Variants in PRH1 observed in about 807,000 individuals in gnomAD.
PRH1 encodes salivary acidic proline-rich phosphoprotein 1/2.
In PRH1, 7 loss-of-function variants were observed where a neutral mutation model predicts 7.9. The ratio of observed to expected loss-of-function variants is 0.89; its 90% CI spans 0.50 to 1.67. PRH1 has a LOEUF of 1.67. Among genes scored for constraint, PRH1 ranks in the 40% most tolerant of loss-of-function variants. PRH1 has a pLI of 0.00. For missense variants in PRH1, 109 were observed against 223.6 expected (o/e 0.49, Z 3.27); for synonymous variants, 45 against 80.8 (o/e 0.56, Z 2.38).
At chr12:10,890,969 A>G (rs1442247661) in intron 2 of PRH1, among the ~76,000 whole-genome samples, 1 of 151,968 alleles carries the variant, frequency 6.6e-6, no homozygotes, top group Non-Finnish European at 1.5e-5. Context: ...AGAACCAAGT[A>G]GAATGGTGAT....
Position 11,078,298 on chromosome 12 carries a change from C to T in PRH1, n.124-31110G>A, listed in dbSNP as rs1180078659. 2.8e-5 allele frequency: 8 copies of T among 287,484 alleles called. 2 individuals carry two copies. The highest frequency in any genetic ancestry group is 4.9e-5 in the Admixed American group (1 of 20,256). 17.8% of individuals were successfully genotyped at this position (287,484 alleles called of 1,614,324 possible). On this transcript the variant is annotated intron_variant and non_coding_transcript_variant, in intron 1 of 4. Transcript: ENST00000541977. ...GTCTTAATAACACTGGTTCTGATAC[C>T]CTTAATATCCAAACATTAACTTCGA...
chr12:11,162,557 T>G (rs1158546693), intron 1 of PRH1, among the ~76,000 whole-genome samples: 2 of 152,164 alleles, frequency 1.3e-5, no homozygotes, highest in Non-Finnish European at 2.9e-5. Flanking sequence ...AGCATAAGTG[T>G]GTTCTATATG....
At chr12:10,915,407 T>G (rs916849422) in intron 2 of PRH1, among the ~76,000 whole-genome samples, 1 of 152,106 alleles carries the variant, frequency 6.6e-6, no homozygotes, top group African/African-American at 2.4e-5. Flanking sequence ...ACAGCAAATA[T>G]AAGAAGCAGC....
At chr12:10,922,593 T>C (rs1455905727) in intron 2 of PRH1, among the ~76,000 whole-genome samples, 1 of 152,170 alleles carries the variant, frequency 6.6e-6, no homozygotes, top group African/African-American at 2.4e-5. Context: ...TTCTGTCAAG[T>C]ACAGATTTCT....
intron 2 of PRH1, among the ~76,000 whole-genome samples, chr12:10,948,098 T>A (rs1357178969): frequency 6.6e-6 from 1 of 152,208 alleles, no homozygotes; most frequent in African/African-American, 2.4e-5. Context: ...ATCTGATGAT[T>A]ATATATCTTG....
chr12:10,968,535 T>C (rs910144920), intron 2 of PRH1, among the ~76,000 whole-genome samples: 1 of 152,258 alleles, frequency 6.6e-6, no homozygotes, highest in East Asian at 1.9e-4. Context: ...ACACAATTAT[T>C]CTTTCTCCTG....
intron 1 of PRH1, among the ~76,000 whole-genome samples, chr12:11,062,792 A>G (rs1943667841): frequency 6.6e-6 from 1 of 152,102 alleles, no homozygotes; most frequent in African/African-American, 2.4e-5. Flanking sequence ...TTCATCACCT[A>G]TATGGACTTT....
At chr12:11,170,954 C>G (rs907673062) in intron 1 of PRH1, among the ~76,000 whole-genome samples, 1 of 152,268 alleles carries the variant, frequency 6.6e-6, no homozygotes, top group African/African-American at 2.4e-5. Context: ...TAACATCCCA[C>G]ATAACACAGC....
intron 1 of PRH1, among the ~76,000 whole-genome samples, chr12:11,106,868 T>C (rs1197390699): frequency 6.6e-6 from 1 of 151,894 alleles, no homozygotes; most frequent in Non-Finnish European, 1.5e-5. Context: ...CTTCAGGTAG[T>C]CTTTATGAGG....
At chr12:11,080,069 CT>C (rs1944450480) in intron 1 of PRH1, among the ~76,000 whole-genome samples, 1 of 117,772 alleles carries the variant, frequency 8.5e-6, no homozygotes, top group African/African-American at 2.8e-5. Flanking sequence ...CTCAATGCCA[CT>C]TTCCATTTCC....
At chr12:10,968,298 A>G (rs1156666910) in intron 2 of PRH1, among the ~76,000 whole-genome samples, 1 of 152,244 alleles carries the variant, frequency 6.6e-6, no homozygotes, top group Non-Finnish European at 1.5e-5. Context: ...AAATGTATTT[A>G]GCTTGACTTG....
chr12:11,074,221 G>GTAATAAA (rs1395740424), intron 1 of PRH1, among the ~76,000 whole-genome samples: 28,934 of 99,768 alleles, frequency 0.29, 10,701 homozygotes, highest in Non-Finnish European at 0.39. Context: ...TAATTAAAAA[G>GTAATAAA]AGCACAGTCT....
chr12:11,017,511 G>A (rs1420495553), intron 1 of PRH1, among the ~76,000 whole-genome samples: 4 of 152,010 alleles, frequency 2.6e-5, no homozygotes, highest in African/African-American at 9.7e-5. Flanking sequence ...TTGAGATAGA[G>A]TCTCGCTCTG....
chr12:11,142,950 G>T (rs1192446557), intron 1 of PRH1, among the ~76,000 whole-genome samples: 1 of 152,054 alleles, frequency 6.6e-6, no homozygotes, highest in Non-Finnish European at 1.5e-5. Flanking sequence ...ATGTTAAAGG[G>T]ATTACTTCAA....
At chr12:11,026,979 T>G (rs1260670621) in intron 1 of PRH1, among the ~76,000 whole-genome samples, 3 of 152,258 alleles carry the variant, frequency 2.0e-5, no homozygotes, top group Non-Finnish European at 2.9e-5. Flanking sequence ...TTAATAATAT[T>G]ACAGACCAGG....
At chr12:11,031,287 A>G (rs752592897) in intron 1 of PRH1, 14 of 1,613,878 alleles carry the variant, frequency 8.7e-6, no homozygotes, top group Middle Eastern at 1.7e-4. Context: ...CCAATAACAA[A>G]TAGAACCACT....
chr12:10,986,637 A>G (rs758744783), intron 1 of PRH1: 2 of 1,613,368 alleles, frequency 1.2e-6, no homozygotes, highest in Non-Finnish European at 1.7e-6. Context: ...TACACTATAA[A>G]AAGCTGGATT....
chr12:10,995,888 CTAT>C (rs1223780542), intron 1 of PRH1, among the ~76,000 whole-genome samples: 28 of 151,912 alleles, frequency 1.8e-4, no homozygotes, highest in Non-Finnish European at 3.7e-4. Context: ...TTTTTCTAAG[CTAT>C]TAACATACTA....
chr12:11,165,012 T>C (rs1310798910), intron 1 of PRH1, among the ~76,000 whole-genome samples: 1 of 152,194 alleles, frequency 6.6e-6, no homozygotes. Flanking sequence ...GAAAATGGTA[T>C]CATGTTTGAA....
Sources: gnomAD v4.1 joint callset for allele counts (sites outside exome capture counted in the v4.1 genomes callset) on GRCh38, gnomAD v4.1.1 for gene constraint, MANE v1.5 for transcripts, NCBI Gene and HGNC (gene_info 2026-07-23, HGNC 2026-07-21) for gene names.